CYP11A1: variants seen among roughly 807,000 people sequenced by gnomAD.
CYP11A1 encodes the protein cytochrome P450 family 11 subfamily A member 1, also known as cholesterol side-chain cleavage enzyme, mitochondrial.
A neutral mutation model predicts 51.9 loss-of-function variants in CYP11A1; 25 were observed. The ratio of observed to expected loss-of-function variants is 0.48; its 90% confidence interval spans 0.35 to 0.67. The LOEUF is 0.67. Ranked by LOEUF, CYP11A1 falls within the 30% of genes least tolerant of loss-of-function variation. The pLI is 0.00. For synonymous variants in CYP11A1, 245 were observed against 262.1 expected, an observed-to-expected ratio of 0.93 and a Z score of 0.63; for missense variants, 578 against 680.9, an observed-to-expected ratio of 0.85 and a Z score of 1.68.
rs2060738252 is a variant in CYP11A1, at chr15:74,367,265, C to T, written c.269+52G>A. Reference sequence around the variant, plus strand: ...GAGTGGGGACTACAGCAGGGCTACCCAGGCCCCTCCTCCTCCCTGTCCCTT... The same window carrying T: ...GAGTGGGGACTACAGCAGGGCTACCTAGGCCCCTCCTCCTCCCTGTCCCTT... On this transcript the variant is annotated intron_variant, in intron 1 of 8. Transcript: ENST00000268053. The T allele has an allele frequency of 4.3e-6, 7 of 1,611,234 alleles. No homozygotes were observed. In the Admixed American group the frequency reaches 1.0e-4, roughly 23 times the overall value.
At chr15:74,353,432 C>G (rs2060664625) in intron 1 of CYP11A1, among the ~76,000 whole-genome samples, 1 of 152,000 alleles carries the variant, frequency 6.6e-6, no homozygotes, top group Admixed American at 6.5e-5. Context: ...AAGCATGAAG[C>G]TGGATTTAGT....
At chr15:74,350,919 C>G (rs1464207964) in intron 1 of CYP11A1, 1 of 152,214 alleles carries the variant, frequency 6.6e-6, no homozygotes, top group Non-Finnish European at 1.5e-5. Flanking sequence ...TGTATTTTGG[C>G]CAGCCAGCCA....
chr15:74,367,485 G>T lies in CYP11A1; in HGVS notation c.101C>A (p.Thr34Asn). 1 of 1,614,224 alleles carries T rather than the reference G, an allele frequency of 6.2e-7. No individual in the cohort carries two copies. The highest frequency in any genetic ancestry group is 1.3e-5 in the African/African-American group (1 of 75,060). Residue 34 changes from threonine (T) to asparagine (N), a missense_variant, in exon 1 of 9, where the codon ACT becomes AAT. Thr to Asn is a moderately conservative substitution (Grantham distance 65). Transcript: ENST00000268053. ...GGTGGAGATGCCAGCTCCCTCGCCA[G>T]TGGGCACCCTGAGACGCCCCAGCCC... is the stretch of plus-strand genomic sequence containing the variant. Reference protein sequence around the residue: ...REGLGRLRVPTGEGAGISTRS... With the variant: ...REGLGRLRVPNGEGAGISTRS...
At chr15:74,348,241 G>A (rs1045347805) in intron 1 of CYP11A1, 186 bp from the exon 2 acceptor site, 18 of 621,892 alleles carry the variant, frequency 2.9e-5, no homozygotes, top group East Asian at 5.5e-5. Flanking sequence ...GTCTCGCAGC[G>A]CTGCTGAAGG....
intron 7 of CYP11A1, 70 bp from the exon 8 acceptor site, chr15:74,338,838 C>A (rs2060592191): frequency 4.3e-6 from 6 of 1,402,318 alleles, no homozygotes; most frequent in Middle Eastern, 2.2e-4. Context: ...AACCCCCTTC[C>A]CTAGTCCCCT....
At chr15:74,344,132 A>G in intron 3 of CYP11A1, 140 bp from the exon 4 acceptor site, 1 of 705,612 alleles carries the variant, frequency 1.4e-6, no homozygotes, top group Non-Finnish European at 2.4e-6. Flanking sequence ...CAGTAAATAA[A>G]TTGAGGCCTG....
chr15:74,355,021 C>A (rs909058008), intron 1 of CYP11A1, among the ~76,000 whole-genome samples: 2 of 152,016 alleles, frequency 1.3e-5, no homozygotes, highest in African/African-American at 4.8e-5. Flanking sequence ...GGGGGGCAAG[C>A]ACCTCCCTTC....
At chr15:74,341,224 T>G (rs1269160632) in intron 5 of CYP11A1, among the ~76,000 whole-genome samples, 1 of 152,212 alleles carries the variant, frequency 6.6e-6, no homozygotes, top group Non-Finnish European at 1.5e-5. Flanking sequence ...GGACCCTGCC[T>G]GCCATATAGT....
In CYP11A1 at chr15:74,367,359, A is replaced by AG; in HGVS notation, c.226dup (p.Leu76ProfsTer30). 6.2e-7 allele frequency: 1 copy of AG among 1,614,120 alleles called. No individual in the cohort carries two copies. ...CTTCTGGAAATTCTGGACATGGTGA[A>AG]GGTGGACTTTGTGTGTGCCCGTCTC... On this transcript the variant is annotated frameshift_variant, in exon 1 of 9. Coordinates refer to ENST00000268053, the MANE Select transcript of CYP11A1 (RefSeq NM_000781.3). LOFTEE classifies it high-confidence loss of function.
At chr15:74,361,082 C>T (rs777538765) in intron 1 of CYP11A1, among the ~76,000 whole-genome samples, 2 of 152,036 alleles carry the variant, frequency 1.3e-5, no homozygotes, top group African/African-American at 4.8e-5. Context: ...AAATAGTTTA[C>T]GGTAATCTGG....
chr15:74,360,767 G>A (rs564166075), intron 1 of CYP11A1, among the ~76,000 whole-genome samples: 167 of 152,212 alleles, frequency 1.1e-3, no homozygotes, highest in African/African-American at 4.0e-3. Context: ...GCTGGGCAAG[G>A]TGGTGCCTGC....
At position 74,341,030 on chromosome 15, in the gene CYP11A1, C is replaced by T. The variant is rs541381488; in HGVS notation, c.991-1277G>A. Reference sequence around the variant, plus strand: ...GTATTCATCTCAGTACTGCCAAGGCCTGCCATAGAGATGTACTTGGGATTT... The same window carrying T: ...GTATTCATCTCAGTACTGCCAAGGCTTGCCATAGAGATGTACTTGGGATTT... On this transcript the variant is annotated intron_variant, in intron 5 of 8. Coordinates refer to ENST00000268053, the MANE Select transcript of CYP11A1 (RefSeq NM_000781.3). 4.6e-5 allele frequency among the ~76,000 whole-genome samples: 7 copies of T among 152,320 alleles called. No individual in the cohort carries two copies. In the South Asian group the frequency reaches 1.0e-3, roughly 23 times the overall value.
Position 74,367,379 on chromosome 15 carries a change from C to T in CYP11A1, c.207G>A (p.Thr69=), listed in dbSNP as rs373721756. Residue 69 remains threonine, a synonymous_variant, in exon 1 of 9, where the codon ACG becomes ACA. Transcript: ENST00000268053. ...GGTGAAGGTGGACTTTGTGTGTGCC[C>T]GTCTCCCTCCAGAAATGGTACAGGT... The part of the protein sequence containing the change: ...WLNLYHFWRE[T]GTHKVHLHHV... 2.9e-5 allele frequency: 47 copies of T among 1,614,020 alleles called. No individual in the cohort carries two copies. Among genetic ancestry groups the T allele is most frequent in the African/African-American group, 2.4e-4 (18 of 74,888 alleles).
At chr15:74,361,417 A>G (rs2060708248) in intron 1 of CYP11A1, 2 of 316,618 alleles carry the variant, frequency 6.3e-6, no homozygotes, top group Non-Finnish European at 1.2e-5. Context: ...TAAAACAACA[A>G]CAACAAAAAA....
At chr15:74,363,392 A>T (rs1433050093) in intron 1 of CYP11A1, 1 of 152,128 alleles carries the variant, frequency 6.6e-6, no homozygotes, top group Admixed American at 6.5e-5. Context: ...ACGTGACCAC[A>T]CCCAGCCAAT....
intron 1 of CYP11A1, among the ~76,000 whole-genome samples, chr15:74,359,123 A>C (rs1159100921): frequency 1.3e-5 from 2 of 152,186 alleles, no homozygotes; most frequent in Non-Finnish European, 2.9e-5. Flanking sequence ...TTTTCAGTTC[A>C]TACAAAATTG....
At chr15:74,348,619 A>C (rs1440170037) in intron 1 of CYP11A1, among the ~76,000 whole-genome samples, 1 of 152,124 alleles carries the variant, frequency 6.6e-6, no homozygotes, top group Non-Finnish European at 1.5e-5. Flanking sequence ...ACCCAACAAC[A>C]CGCTTTGTCT....
intron 4 of CYP11A1, among the ~76,000 whole-genome samples, chr15:74,343,374 T>G (rs568991040): frequency 2.0e-5 from 3 of 151,978 alleles, no homozygotes; most frequent in African/African-American, 7.3e-5. Context: ...TGCAGAGACA[T>G]AGTCACTTGC....
chr15:74,340,993 A>T lies in CYP11A1; in HGVS notation c.991-1240T>A, dbSNP rs577099894. The stretch of plus-strand genomic sequence containing the variant: ...GGATGTGCTCCCTCTGCAAGACTCT[A>T]ATCAAATGTGTGTATTCATCTCAGT... On this transcript the variant is annotated intron_variant, in intron 5 of 8. Coordinates refer to ENST00000268053, the MANE Select transcript of CYP11A1 (RefSeq NM_000781.3). 6.4e-4 allele frequency among the ~76,000 whole-genome samples: 98 copies of T among 152,306 alleles called. 4 individuals are homozygous for T. In the South Asian group the frequency reaches 0.02, roughly 31 times the overall value.
Sources: allele counts gnomAD v4.1 joint callset (sites outside exome capture counted in the v4.1 genomes callset), GRCh38; gene constraint gnomAD v4.1.1; transcripts MANE v1.5; gene names NCBI Gene and HGNC (gene_info 2026-07-23, HGNC 2026-07-21).